ATP2B2: variants seen among roughly 807,000 people sequenced by gnomAD.
The protein encoded by ATP2B2 is plasma membrane calcium-transporting ATPase 2.
ATP2B2 carries 15 observed loss-of-function variants against 120.0 expected under a neutral mutation model. The observed-to-expected ratio is 0.12, with a 90% CI of 0.08 to 0.19. The LOEUF (loss-of-function observed/expected upper bound fraction) is 0.19, where lower values mean the gene tolerates loss of function less well. Ranked by LOEUF, ATP2B2 falls within the 10% of genes least tolerant of loss-of-function variation. The pLI is 1.00. For synonymous variants in ATP2B2, 694 were observed against 700.3 expected, an observed-to-expected ratio of 0.99 and a Z score of 0.14; for missense variants, 1,045 against 1,719.8, an observed-to-expected ratio of 0.61 and a Z score of 6.94.
Position 10,416,088 on chromosome 3 carries a change from C to A in ATP2B2, c.200-5273G>T, listed in dbSNP as rs148381812. On this transcript the variant is annotated intron_variant, in intron 2 of 22. Coordinates refer to ENST00000360273, the MANE Select transcript of ATP2B2 (RefSeq NM_001001331.4). ...AAGCTCTCTAAACTGTAAAGGCATGCACTTTTACTGTGAAGGTAAAAAAAC... is the reference window on the plus strand; with the variant it reads ...AAGCTCTCTAAACTGTAAAGGCATGAACTTTTACTGTGAAGGTAAAAAAAC... 3.3e-5 allele frequency among the ~76,000 whole-genome samples: 5 copies of A among 152,316 alleles called. No individual in the cohort carries two copies. In the East Asian group the frequency reaches 9.6e-4, roughly 29 times the overall value.
At chr3:10,439,163 CTG>C (rs1254971046) in intron 2 of ATP2B2, among the ~76,000 whole-genome samples, 2 of 152,250 alleles carry the variant, frequency 1.3e-5, no homozygotes, top group Admixed American at 6.5e-5. Flanking sequence ...TGGAGTCTGG[CTG>C]TGAGTCAGCC....
chr3:10,412,746 C>A (rs1268098229), intron 2 of ATP2B2, among the ~76,000 whole-genome samples: 1 of 152,192 alleles, frequency 6.6e-6, no homozygotes, highest in Non-Finnish European at 1.5e-5. Context: ...GCACCTGAAG[C>A]CTTACAATTG....
intron 1 of ATP2B2, among the ~76,000 whole-genome samples, chr3:10,458,679 T>A (rs887446952): frequency 9.2e-5 from 14 of 151,646 alleles, no homozygotes; most frequent in Non-Finnish European, 1.8e-4. Context: ...TCAGTTTTGA[T>A]CTTGGTGTGA....
chr3:10,386,358 G>A, intron 7 of ATP2B2, 122 bp downstream of exon 7: 12 of 1,128,348 alleles, frequency 1.1e-5, no homozygotes, highest in South Asian at 3.8e-5. Flanking sequence ...CTGGGGGGTG[G>A]AGCCACCCAC....
chr3:10,537,618 C>G (rs1481261467), intron 2 of ATP2B2, among the ~76,000 whole-genome samples: 2 of 152,072 alleles, frequency 1.3e-5, no homozygotes, highest in Non-Finnish European at 2.9e-5. Context: ...TGTAGACAAT[C>G]AAGTCATCTG....
intron 2 of ATP2B2, among the ~76,000 whole-genome samples, chr3:10,540,182 C>A (rs1480960718): frequency 6.6e-6 from 1 of 152,128 alleles, no homozygotes; most frequent in Non-Finnish European, 1.5e-5. Context: ...CCATCTCACA[C>A]CAGTTAGAAT....
At chr3:10,522,927 T>G (rs2067014001) in intron 3 of ATP2B2, among the ~76,000 whole-genome samples, 1 of 152,208 alleles carries the variant, frequency 6.6e-6, no homozygotes, top group African/African-American at 2.4e-5. Context: ...AGGGTTGCTC[T>G]GAGGACTACA....
intron 1 of ATP2B2, among the ~76,000 whole-genome samples, chr3:10,494,568 C>T (rs2066065878): frequency 6.6e-6 from 1 of 152,180 alleles, no homozygotes; most frequent in South Asian, 2.1e-4. Context: ...AGAAAACTCT[C>T]TTTGGGAAGT....
intron 3 of ATP2B2, among the ~76,000 whole-genome samples, chr3:10,407,387 C>A (rs540996365): frequency 8.5e-5 from 13 of 152,336 alleles, no homozygotes; most frequent in Admixed American, 4.6e-4. Flanking sequence ...TAAGTCCCTC[C>A]CTGCCTTCCT....
At chr3:10,694,634 C>T (rs918178494) in intron 1 of ATP2B2, among the ~76,000 whole-genome samples, 2 of 152,176 alleles carry the variant, frequency 1.3e-5, no homozygotes, top group Non-Finnish European at 2.9e-5. Flanking sequence ...GAGTATATGG[C>T]ACCTATTTCT....
chr3:10,502,723 G>T (rs578188847), intron 1 of ATP2B2, among the ~76,000 whole-genome samples: 3 of 152,220 alleles, frequency 2.0e-5, no homozygotes, highest in Admixed American at 6.5e-5. Flanking sequence ...CCTGGGGAAG[G>T]CTCCTCCGCC....
intron 8 of ATP2B2, among the ~76,000 whole-genome samples, chr3:10,384,640 G>A (rs148929632): frequency 0.01 from 1,554 of 151,402 alleles, 30 homozygotes; most frequent in African/African-American, 0.036. Flanking sequence ...CAGGACAAAC[G>A]CTCCAGCACA....
chr3:10,546,028 A>T (rs1035447874), intron 2 of ATP2B2, among the ~76,000 whole-genome samples: 1 of 152,216 alleles, frequency 6.6e-6, no homozygotes, highest in Non-Finnish European at 1.5e-5. Flanking sequence ...CCAAATGTCA[A>T]TGTTGGTGGG....
intron 1 of ATP2B2, among the ~76,000 whole-genome samples, chr3:10,672,440 T>C (rs2071125294): frequency 6.6e-6 from 1 of 152,230 alleles, no homozygotes; most frequent in Admixed American, 6.5e-5. Context: ...GCTGGTTTAA[T>C]GGGCTCTCTG....
At chr3:10,386,417 C>T (rs2061681215) in intron 7 of ATP2B2, 63 bp downstream of exon 7, 2 of 1,573,168 alleles carry the variant, frequency 1.3e-6, no homozygotes, top group Non-Finnish European at 1.7e-6. Flanking sequence ...GGGGCAGGGC[C>T]CAATGACCAA....
chr3:10,453,120 C>T (rs1344256372), intron 1 of ATP2B2, among the ~76,000 whole-genome samples: 4 of 152,202 alleles, frequency 2.6e-5, no homozygotes, highest in Admixed American at 6.5e-5. Context: ...ATCTCAGAGA[C>T]GCTGCAAGGC....
chr3:10,692,425 C>T (rs1185431366), intron 1 of ATP2B2, among the ~76,000 whole-genome samples: 1 of 152,210 alleles, frequency 6.6e-6, no homozygotes, highest in Non-Finnish European at 1.5e-5. Context: ...TAAATGTTCA[C>T]AGGGACCCGA....
intron 12 of ATP2B2, among the ~76,000 whole-genome samples, chr3:10,361,789 C>T (rs2060907804): frequency 6.6e-6 from 1 of 152,222 alleles, no homozygotes; most frequent in Admixed American, 6.5e-5. Context: ...CCTGTGTAAA[C>T]AAGCTGAATT....
chr3:10,383,921 G>A (rs2061600348), intron 8 of ATP2B2, among the ~76,000 whole-genome samples: 2 of 152,158 alleles, frequency 1.3e-5, no homozygotes, highest in African/African-American at 4.8e-5. Context: ...CACTGCCGGG[G>A]TGAAGTGGGT....
Sources: allele counts gnomAD v4.1 joint callset (sites outside exome capture counted in the v4.1 genomes callset), GRCh38; gene constraint gnomAD v4.1.1; transcripts MANE v1.5; gene names NCBI Gene and HGNC (gene_info 2026-07-23, HGNC 2026-07-21).